The following GALNT16 variants were observed in gnomAD, a reference collection of about 807,000 sequenced individuals.
GALNT16 encodes UDP-GalNAc:polypeptide N-acetylgalactosaminyltransferase-like protein 1.
A neutral mutation model predicts 76.1 loss-of-function variants in GALNT16; 40 were observed. The ratio of observed to expected loss-of-function variants is 0.53; its 90% confidence interval spans 0.41 to 0.68. The LOEUF is 0.68. Among genes scored for constraint, GALNT16 ranks in the 30% least tolerant of loss-of-function variants. GALNT16 has a pLI of 0.00. For missense variants in GALNT16, 621 were observed against 731.9 expected, an observed-to-expected ratio of 0.85 and a Z score of 1.75; for synonymous variants, 276 against 285.2, an observed-to-expected ratio of 0.97 and a Z score of 0.32.
chr14:69,357,159 A>T (rs57148905), downstream of GALNT16: 27,642 of 152,224 alleles, frequency 0.18, 2,645 homozygotes, highest in South Asian at 0.26. Context: ...ATACCACATG[A>T]TAAAAGCTAC....
At chr14:69,272,990 A>G (rs779058196) in intron 1 of GALNT16, among the ~76,000 whole-genome samples, 19 of 152,244 alleles carry the variant, frequency 1.2e-4, no homozygotes, top group Non-Finnish European at 2.4e-4. Flanking sequence ...TAAGGAATGC[A>G]TGACTGTATA....
chr14:69,339,737 C>T, intron 11 of GALNT16, 118 bp downstream of exon 11: 1 of 633,650 alleles, frequency 1.6e-6, no homozygotes, highest in Non-Finnish European at 2.8e-6. Context: ...CCACTGAGGT[C>T]CCACTCTAAT....
rs1454266646 is a variant in GALNT16 at position 69,333,489 on chromosome 14, G to T, written c.864-8G>T. On this transcript the variant is annotated splice_region_variant and splice_polypyrimidine_tract_variant and intron_variant, in intron 8 of 14. Transcript: ENST00000448469. This position sits in a 1 kb window ranked among gnomAD's most constrained non-coding sequence, Gnocchi z 4.2. ...CACGTGTTGCGTCTTCCCTCTCCTT[G>T]CTCCCAGGACGCCTGTCATAGCTGG... The T allele has an allele frequency of 6.3e-7, 1 of 1,577,894 alleles. No homozygotes were observed. The highest frequency in any genetic ancestry group is 8.7e-7 in the Non-Finnish European group (1 of 1,147,386).
intron 1 of GALNT16, among the ~76,000 whole-genome samples, chr14:69,300,032 G>C (rs1410882112): frequency 6.6e-6 from 1 of 152,228 alleles, no homozygotes; most frequent in Non-Finnish European, 1.5e-5. Flanking sequence ...CCCATCAGCG[G>C]CTGCTTTTAG....
chr14:69,319,146 C>T (rs181404076), intron 1 of GALNT16, among the ~76,000 whole-genome samples: 20 of 152,356 alleles, frequency 1.3e-4, no homozygotes, highest in Non-Finnish European at 1.3e-4. Context: ...AGGACATCTC[C>T]CTCACTGTTC....
At chr14:69,332,140 A>G (rs1378060027) in intron 7 of GALNT16, among the ~76,000 whole-genome samples, 2 of 152,220 alleles carry the variant, frequency 1.3e-5, no homozygotes, top group Non-Finnish European at 2.9e-5. Context: ...AATTTTTTGT[A>G]TTGATTACAT....
At chr14:69,295,082 A>G (rs185604398) in intron 1 of GALNT16, among the ~76,000 whole-genome samples, 50 of 152,292 alleles carry the variant, frequency 3.3e-4, no homozygotes, top group Non-Finnish European at 6.0e-4. Flanking sequence ...AAAAATTTAA[A>G]CATACAATGA....
At chr14:69,329,778 G>A (rs898534496) in intron 6 of GALNT16, among the ~76,000 whole-genome samples, 2 of 152,066 alleles carry the variant, frequency 1.3e-5, no homozygotes, top group East Asian at 3.9e-4. Flanking sequence ...AGAGAGTTGG[G>A]TGGAGGTACT....
intron 1 of GALNT16, among the ~76,000 whole-genome samples, chr14:69,295,414 C>CCA (rs1555397758): frequency 8.1e-4 from 82 of 101,714 alleles, no homozygotes; most frequent in African/African-American, 3.0e-3. Context: ...GACTCTGTCT[C>CCA]AAAAAAAAAA....
At chr14:69,292,427 G>A (rs559297984) in intron 1 of GALNT16, among the ~76,000 whole-genome samples, 1 of 152,230 alleles carries the variant, frequency 6.6e-6, no homozygotes, top group Non-Finnish European at 1.5e-5. Context: ...AGGAGCCTGA[G>A]GCCAATGCAG....
At chr14:69,259,806 G>C (rs2044234496), upstream of GALNT16, 1 of 159,492 alleles carries the variant, frequency 6.3e-6, no homozygotes, top group Admixed American at 6.5e-5. Flanking sequence ...GGGTGGGTGT[G>C]GGTCGGCAGG....
At chr14:69,300,927 C>T (rs573263141) in intron 1 of GALNT16, among the ~76,000 whole-genome samples, 32 of 152,300 alleles carry the variant, frequency 2.1e-4, no homozygotes, top group African/African-American at 7.0e-4. Context: ...TGCTTTTCAG[C>T]GGTACTCAGA....
chr14:69,308,674 A>G (rs1343060072), intron 1 of GALNT16, among the ~76,000 whole-genome samples: 4 of 152,254 alleles, frequency 2.6e-5, no homozygotes, highest in Non-Finnish European at 5.9e-5. Flanking sequence ...TAAGGTGACC[A>G]TATAATCTAT....
chr14:69,312,063 A>G (rs150710093), intron 1 of GALNT16, among the ~76,000 whole-genome samples: 1 of 99,386 alleles, frequency 1.0e-5, no homozygotes, highest in South Asian at 2.7e-4. Flanking sequence ...AAATCTGTCT[A>G]TCTATCTATC....
At chr14:69,286,172 C>T (rs531124866) in intron 1 of GALNT16, among the ~76,000 whole-genome samples, 8 of 152,190 alleles carry the variant, frequency 5.3e-5, no homozygotes, top group East Asian at 3.9e-4. Context: ...GGGTAGGGCA[C>T]GCGGGACAAG....
chr14:69,321,898 G>A (rs1282979160), intron 2 of GALNT16, among the ~76,000 whole-genome samples: 5 of 152,250 alleles, frequency 3.3e-5, no homozygotes, highest in African/African-American at 4.8e-5. Flanking sequence ...CTGGGCCTCC[G>A]TCTGGTCCTG....
intron 14 of GALNT16, chr14:69,348,351 C>T (rs1260556697): frequency 4.3e-6 from 2 of 468,664 alleles, no homozygotes; most frequent in Non-Finnish European, 7.5e-6. Flanking sequence ...TGAAATAGAT[C>T]ATCTCATCTA....
downstream of GALNT16, among the ~76,000 whole-genome samples, chr14:69,360,919 C>G (rs2140215154): frequency 6.6e-6 from 1 of 152,318 alleles, no homozygotes; most frequent in Non-Finnish European, 1.5e-5. Context: ...GTGCTGCGGG[C>G]CCTGCCCCTG....
the GALNT16 span, among the ~76,000 whole-genome samples, chr14:69,374,152 T>C: frequency 6.6e-6 from 1 of 152,190 alleles, no homozygotes; most frequent in Non-Finnish European, 1.5e-5. Context: ...ATCTTTCAAG[T>C]GCCCTCATGA....
Sources: allele counts gnomAD v4.1 joint callset (sites outside exome capture counted in the v4.1 genomes callset), GRCh38; gene constraint gnomAD v4.1.1; non-coding constraint Gnocchi (gnomAD v3.1); transcripts MANE v1.5; gene names NCBI Gene and HGNC (gene_info 2026-07-23, HGNC 2026-07-21).